HPGD: variants seen among roughly 807,000 people sequenced by gnomAD.
The protein encoded by HPGD is 15-hydroxyprostaglandin dehydrogenase.
Under a neutral mutation model 30.0 loss-of-function variants are expected in HPGD, and 29 were observed. The observed-to-expected ratio is 0.97, with a 90% confidence interval of 0.72 to 1.32. The LOEUF (loss-of-function observed/expected upper bound fraction) is 1.32, where lower values mean the gene tolerates loss of function less well. Among genes scored for constraint, HPGD ranks in the 40% most tolerant of loss-of-function variants. HPGD has a pLI of 0.00. For synonymous variants in HPGD, 99 were observed against 112.4 expected, an observed-to-expected ratio of 0.88 and a Z score of 0.75; for missense variants, 340 against 322.1, an observed-to-expected ratio of 1.06 and a Z score of -0.43.
rs144044660 is a variant in HPGD at position 174,518,119 on chromosome 4, C to A, written c.218-42G>T. 1,215 of 954,644 alleles carry A rather than the reference C, an allele frequency of 1.3e-3. 15 individuals carry two copies. In the East Asian group the frequency reaches 0.023, roughly 18 times the overall value. The allele number at this position is 954,644 out of a possible 1,614,324, so 59.1% of individuals were successfully genotyped here. A position where few individuals can be genotyped will look rare whatever the true frequency, so the allele number is the denominator to read the frequency against. On this transcript the variant is annotated intron_variant, in intron 2 of 6. Coordinates refer to ENST00000296522, the MANE Select transcript of HPGD (RefSeq NM_000860.6). ...ATATTAGTGATACATTCTTATTTTC[C>A]ATGTATACATTTAAATCATGTCCTA...
chr4:174,504,926 G>A (rs1466561438), intron 4 of HPGD, among the ~76,000 whole-genome samples: 2 of 152,164 alleles, frequency 1.3e-5, no homozygotes, highest in African/African-American at 4.8e-5. Flanking sequence ...ACCAGACTTC[G>A]TTCTTCTATT....
At chr4:174,521,225 C>CAA (rs35013459) in intron 2 of HPGD, among the ~76,000 whole-genome samples, 953 of 76,816 alleles carry the variant, frequency 0.012, 6 homozygotes, top group African/African-American at 0.025. Flanking sequence ...AATAGATGTA[C>CAA]AAAAAAAAAA....
intron 4 of HPGD, among the ~76,000 whole-genome samples, chr4:174,501,881 G>A (rs1353808148): frequency 6.6e-6 from 1 of 152,040 alleles, no homozygotes; most frequent in Non-Finnish European, 1.5e-5. Flanking sequence ...TCATTTCACA[G>A]AAGGTAAAAA....
chr4:174,508,748 A>G lies in HPGD; in HGVS notation c.369T>C (p.Ser123=), dbSNP rs201924339. 794 of 1,611,172 alleles carry G rather than the reference A, an allele frequency of 4.9e-4. 2 individuals carry two copies. The highest frequency in any genetic ancestry group is 4.2e-5 in the Non-Finnish European group (49 of 1,177,712). ...TGCCGCCTTCACCTCCATTTTGCTT[A>G]CTCATGTAATCCAAACCAAGATAGG... ...SGTYLGLDYM[S]KQNGGEGGII... The change falls in exon 4 of 7, where the codon AGT becomes AGC. Residue 123 remains serine, a synonymous_variant. Transcript: ENST00000296522.
intron 4 of HPGD, among the ~76,000 whole-genome samples, chr4:174,506,207 T>A (rs1374430065): frequency 6.6e-6 from 1 of 152,210 alleles, no homozygotes; most frequent in Non-Finnish European, 1.5e-5. Context: ...ATGTTTTGAC[T>A]TGTGACACTG....
intron 4 of HPGD, among the ~76,000 whole-genome samples, chr4:174,502,027 T>C (rs17060554): frequency 0.15 from 23,514 of 152,134 alleles, 2,514 homozygotes; most frequent in East Asian, 0.51. Flanking sequence ...AAAATTCAAC[T>C]TAGGGAAATA....
At chr4:174,497,568 C>CTTTCTTTTTTT (rs1360019053) in intron 4 of HPGD, among the ~76,000 whole-genome samples, 661 of 51,052 alleles carry the variant, frequency 0.013, 113 homozygotes, top group Non-Finnish European at 0.019. Context: ...CTTTTTCTTT[C>CTTTCTTTTTTT]TTTTTTTTTT....
At position 174,490,453 on chromosome 4, in the gene HPGD, C is replaced by G. The variant is rs1487873017; in HGVS notation, c.*1503G>C. 5 of 152,266 alleles carry G rather than the reference C, an allele frequency of 3.3e-5. No individual in the cohort carries two copies. The East Asian group carries it at 9.4e-4, about 29-fold the overall frequency. The allele number at this position is 152,266 out of a possible 1,614,324, so 9.4% of individuals were successfully genotyped here. ...TGAAAAGGTTATACTATTTACACGA[C>G]AGAGGAAAAATACAGAAGATAAGTG... On this transcript the variant is annotated 3_prime_UTR_variant, in exon 7 of 7. Coordinates refer to ENST00000296522, the MANE Select transcript of HPGD (RefSeq NM_000860.6). This position sits in a 1 kb window ranked among gnomAD's most constrained non-coding sequence, Gnocchi z 4.4.
chr4:174,513,167 A>G (rs1437886796), intron 3 of HPGD, among the ~76,000 whole-genome samples: 1 of 152,236 alleles, frequency 6.6e-6, no homozygotes, highest in East Asian at 1.9e-4. Flanking sequence ...TTTATCTGTA[A>G]AAATATCTGT....
chr4:174,497,568 C>CTTTTCTTTTTTTTTTTTTTTTT lies in HPGD; in HGVS notation c.422-1945_422-1944insAAAAAAAAAAAAAAAAAGAAAA, dbSNP rs1553998366. ...CACTTTCTTTTCTTTCTTTTTCTTT[C>CTTTTCTTTTTTTTTTTTTTTTT]TTTTTTTTTTTTTTTTTTTTTTTTT... is the stretch of plus-strand genomic sequence containing the variant. On this transcript the variant is annotated intron_variant, in intron 4 of 6. Coordinates refer to ENST00000296522, the MANE Select transcript of HPGD (RefSeq NM_000860.6). 6.3e-4 allele frequency among the ~76,000 whole-genome samples: 32 copies of CTTTTCTTTTTTTTTTTTTTTTT among 51,104 alleles called. 1 individual carries two copies. The highest frequency in any genetic ancestry group is 2.0e-3 in the African/African-American group (30 of 14,968). 33.5% of individuals were successfully genotyped at this position (51,104 alleles called of 152,430 possible).
chr4:174,495,161 C>T (rs1734527585), intron 5 of HPGD, among the ~76,000 whole-genome samples: 1 of 152,158 alleles, frequency 6.6e-6, no homozygotes. Context: ...CCCCTCCTTC[C>T]AGCTCCATGT....
Position 174,522,213 on chromosome 4 carries a change from A to G in HPGD, c.93+146T>C, listed in dbSNP as rs142425711. The stretch of plus-strand genomic sequence containing the variant: ...TCCCAGCCACTTCTGAGGTGTGCTC[A>G]CAGCCTCAGCTTCAGCAAATTTTGG... On this transcript the variant is annotated intron_variant, in intron 1 of 6. Coordinates refer to ENST00000296522, the MANE Select transcript of HPGD (RefSeq NM_000860.6). 6.4e-5 allele frequency: 92 copies of G among 1,428,468 alleles called. No homozygotes were observed. The African/African-American group carries it at 1.0e-3, about 16-fold the overall frequency. 88.5% of individuals were successfully genotyped at this position (1,428,468 alleles called of 1,614,324 possible). A position where few individuals can be genotyped will look rare whatever the true frequency, so the allele number is the denominator to read the frequency against.
At chr4:174,513,511 G>A (rs1250100240) in intron 3 of HPGD, among the ~76,000 whole-genome samples, 3 of 150,926 alleles carry the variant, frequency 2.0e-5, no homozygotes, top group East Asian at 1.9e-4. Context: ...ATGCATTTAG[G>A]GAAGGAATAG....
intron 3 of HPGD, among the ~76,000 whole-genome samples, chr4:174,511,866 T>C (rs1735520870): frequency 6.6e-6 from 1 of 152,186 alleles, no homozygotes; most frequent in Non-Finnish European, 1.5e-5. Flanking sequence ...CAGGATGGTC[T>C]CAATCTCCTG....
intron 3 of HPGD, among the ~76,000 whole-genome samples, chr4:174,510,853 C>G (rs1326504973): frequency 1.3e-5 from 2 of 152,174 alleles, no homozygotes; most frequent in Non-Finnish European, 2.9e-5. Flanking sequence ...GTTGGCCAGG[C>G]TGGTCTCGAA....
chr4:174,490,310 A>G lies in HPGD; in HGVS notation c.*1646T>C, dbSNP rs1028572623. The G allele has an allele frequency of 4.6e-5, 7 of 152,280 alleles. No individual in the cohort carries two copies. Among genetic ancestry groups the G allele is most frequent in the African/African-American group, 1.2e-4 (5 of 41,434 alleles). 9.4% of individuals were successfully genotyped at this position (152,280 alleles called of 1,614,324 possible). ...TAAGTTTTTAACTTATGTAACTCAC[A>G]TTTTTCAATTCTACTTGATATTTGA... On this transcript the variant is annotated 3_prime_UTR_variant, in exon 7 of 7. Coordinates refer to ENST00000296522, the MANE Select transcript of HPGD (RefSeq NM_000860.6). The surrounding 1 kb of genome is among the most constrained non-coding windows in gnomAD (Gnocchi z 4.4).
At chr4:174,513,456 G>A (rs894414834) in intron 3 of HPGD, among the ~76,000 whole-genome samples, 1 of 148,054 alleles carries the variant, frequency 6.8e-6, no homozygotes, top group Admixed American at 6.7e-5. Context: ...AATATAAAAT[G>A]CATATTTTTT....
At chr4:174,508,592 T>C in intron 4 of HPGD, 104 bp downstream of exon 4, 1 of 776,912 alleles carries the variant, frequency 1.3e-6, no homozygotes, top group South Asian at 1.4e-5. Context: ...ATCAGATTTT[T>C]AATTTCCAAC....
intron 3 of HPGD, among the ~76,000 whole-genome samples, chr4:174,514,035 T>C (rs991313225): frequency 1.3e-5 from 2 of 152,010 alleles, no homozygotes; most frequent in African/African-American, 2.4e-5. Flanking sequence ...AGCCAGGATA[T>C]AGATGACACC....
Sources: allele counts gnomAD v4.1 joint callset (sites outside exome capture counted in the v4.1 genomes callset), GRCh38; gene constraint gnomAD v4.1.1; non-coding constraint Gnocchi (gnomAD v3.1); transcripts MANE v1.5; gene names NCBI Gene and HGNC (gene_info 2026-07-23, HGNC 2026-07-21).